The following ZNF263 variants were observed in gnomAD, a reference collection of about 807,000 sequenced individuals.
ZNF263 encodes the protein zinc finger protein 263, also known as zinc finger protein FPM315.
In ZNF263, 49 loss-of-function variants were observed where a neutral mutation model predicts 63.1. The observed-to-expected ratio is 0.78, with a 90% CI of 0.62 to 0.99. ZNF263 has a LOEUF of 0.99. ZNF263 is among the 50% of genes least tolerant of loss of function. The pLI is 0.00. For missense variants in ZNF263, 872 were observed against 854.8 expected (o/e 1.02, Z -0.25); for synonymous variants, 352 against 324.2 (o/e 1.09, Z -0.92).
intron 1 of ZNF263, among the ~76,000 whole-genome samples, chr16:3,296,946 T>C (rs2150777413): frequency 6.6e-6 from 1 of 152,258 alleles, no homozygotes; most frequent in East Asian, 1.9e-4. Flanking sequence ...TATGCTGAAG[T>C]TGACTTAAGA....
intron 1 of ZNF263, among the ~76,000 whole-genome samples, 160 bp from the exon 2 acceptor site, chr16:3,284,899 T>C (rs1220592292): frequency 1.3e-5 from 2 of 152,068 alleles, no homozygotes; most frequent in East Asian, 1.9e-4. Context: ...CCCCTGCACA[T>C]GGGATCAAAA....
In ZNF263 at chr16:3,287,421, T is replaced by TC. The variant is rs777994366; in HGVS notation, c.770-1033_770-1032insC. ...ACACCCGGCCTTTTTTTTTTTTTTT[T>TC]TTTTTTTTGAAGTGAGTCTCACTCT... is the stretch of plus-strand genomic sequence containing the variant. On this transcript the variant is annotated intron_variant, in intron 4 of 5. Coordinates refer to ENST00000219069, the MANE Select transcript of ZNF263 (RefSeq NM_005741.5). Among the ~76,000 whole-genome samples, 1,053 of 147,724 alleles carry TC rather than the reference T, an allele frequency of 7.1e-3. 2 individuals carry two copies. Among genetic ancestry groups the TC allele is most frequent in the Non-Finnish European group, 0.011 (712 of 66,872 alleles).
chr16:3,296,989 G>T (rs573399881), intron 1 of ZNF263, among the ~76,000 whole-genome samples: 7 of 152,116 alleles, frequency 4.6e-5, no homozygotes, highest in Non-Finnish European at 1.0e-4. Flanking sequence ...TTCAAACATG[G>T]AAAGTGGGCA....
In ZNF263 at chr16:3,300,685, A is replaced by C. The variant is rs936319828; in HGVS notation, c.*47-228A>C. 2.8e-5 allele frequency: 43 copies of C among 1,514,426 alleles called. No individual in the cohort carries two copies. The African/African-American group carries it at 4.9e-4, about 17-fold the overall frequency. The allele number at this position is 1,514,426 out of a possible 1,614,324, so 93.8% of individuals were successfully genotyped here. On this transcript the variant is annotated intron_variant, in intron 2 of 2. Coordinates refer to the ZNF263 transcript ENST00000574674. ...AGCCTTAATGAATTGGCAAAAAAAA[A>C]ACCCACATTTTTTAAACAAAACTTA...
At chr16:3,293,093 G>A (rs908618023), downstream of ZNF263, 1 of 152,086 alleles carries the variant, frequency 6.6e-6, no homozygotes, top group African/African-American at 2.4e-5. Context: ...GATACGGTTC[G>A]GCTCTGTGTC....
chr16:3,300,129 C>T, intron 2 of ZNF263: 1 of 1,614,248 alleles, frequency 6.2e-7, no homozygotes. Context: ...CTTTGATTAT[C>T]ATGGACAGTT....
At chr16:3,292,304 A>C (rs1192251572), downstream of ZNF263, among the ~76,000 whole-genome samples, 1 of 152,312 alleles carries the variant, frequency 6.6e-6, no homozygotes, top group East Asian at 1.9e-4. Context: ...GCCCTGCCTC[A>C]GTTTAGTATG....
chr16:3,298,420 C>T (rs1291227700), intron 1 of ZNF263, among the ~76,000 whole-genome samples: 1 of 152,204 alleles, frequency 6.6e-6, no homozygotes, highest in African/African-American at 2.4e-5. Flanking sequence ...GTTTTATTTA[C>T]AATGTAATCT....
In ZNF263 at chr16:3,286,307, C is replaced by T. The variant is rs115587678; in HGVS notation, c.769+158C>T. 988 of 1,113,498 alleles carry T rather than the reference C, an allele frequency of 8.9e-4. 3 individuals carry two copies. The African/African-American group carries it at 0.01, about 12-fold the overall frequency. 69.0% of individuals were successfully genotyped at this position (1,113,498 alleles called of 1,614,324 possible). On this transcript the variant is annotated intron_variant, in intron 4 of 5. Transcript: ENST00000219069. Reference sequence around the variant, plus strand: ...AGTCCCCTGTACGAGAGTCATGTATCTGCCAAGTGGTACAGTTGGCACAGG... The same window carrying T: ...AGTCCCCTGTACGAGAGTCATGTATTTGCCAAGTGGTACAGTTGGCACAGG...
At chr16:3,294,760 A>G (rs1482063080), downstream of ZNF263, among the ~76,000 whole-genome samples, 1 of 152,238 alleles carries the variant, frequency 6.6e-6, no homozygotes, top group Non-Finnish European at 1.5e-5. Flanking sequence ...CAATTAGCTT[A>G]CAGAGACACC....
At chr16:3,298,975 G>C in intron 1 of ZNF263, 1 of 1,251,158 alleles carries the variant, frequency 8.0e-7, no homozygotes, top group Non-Finnish European at 1.0e-6. Context: ...CTAATGATTA[G>C]AACCAGAAGT....
At chr16:3,295,308 C>G (rs1959714879), downstream of ZNF263, among the ~76,000 whole-genome samples, 3 of 152,292 alleles carry the variant, frequency 2.0e-5, no homozygotes, top group South Asian at 6.2e-4. Flanking sequence ...TCTGGCCGGT[C>G]CTCCTCCCGC....
chr16:3,300,672 T>G (rs539105885), intron 2 of ZNF263: 13 of 1,516,310 alleles, frequency 8.6e-6, no homozygotes, highest in South Asian at 2.8e-5. Context: ...CCTTAATGAA[T>G]TGGCAAAAAA....
chr16:3,299,935 A>T, intron 2 of ZNF263: 2 of 1,612,774 alleles, frequency 1.2e-6, no homozygotes, highest in Non-Finnish European at 1.7e-6. Flanking sequence ...TCCAATAATG[A>T]TTGACTTTAA....
intron 2 of ZNF263, chr16:3,300,167 A>G: frequency 6.2e-7 from 1 of 1,614,254 alleles, no homozygotes; most frequent in Non-Finnish European, 8.5e-7. Context: ...ACATTTTCAG[A>G]AACTGAACTT....
chr16:3,299,753 C>A, intron 2 of ZNF263: 2 of 1,546,324 alleles, frequency 1.3e-6, no homozygotes, highest in South Asian at 2.6e-5. Flanking sequence ...GCCCTGACGT[C>A]CTCGTCATGA....
downstream of ZNF263, among the ~76,000 whole-genome samples, chr16:3,295,051 G>C (rs181631381): frequency 2.0e-5 from 3 of 152,264 alleles, no homozygotes; most frequent in African/African-American, 7.2e-5. Flanking sequence ...AGCACCCGGC[G>C]CAAGTGTGAG....
At chr16:3,284,844 G>A (rs1250467002) in intron 1 of ZNF263, among the ~76,000 whole-genome samples, 2 of 152,212 alleles carry the variant, frequency 1.3e-5, no homozygotes, top group African/African-American at 4.8e-5. Flanking sequence ...TAAGAGCTGT[G>A]TGGGGAAGGT....
chr16:3,296,577 G>A (rs1291065856), intron 1 of ZNF263, among the ~76,000 whole-genome samples: 1 of 152,200 alleles, frequency 6.6e-6, no homozygotes, highest in Admixed American at 6.5e-5. Flanking sequence ...CCACCAGGCT[G>A]CAGACTGAAT....
Sources: allele counts gnomAD v4.1 joint callset (sites outside exome capture counted in the v4.1 genomes callset), GRCh38; gene constraint gnomAD v4.1.1; transcripts MANE v1.5; gene names NCBI Gene and HGNC (gene_info 2026-07-23, HGNC 2026-07-21).